The following PTPRD variants were observed in gnomAD, a reference collection of about 807,000 sequenced individuals.
PTPRD encodes the protein protein tyrosine phosphatase receptor type D, also known as receptor-type tyrosine-protein phosphatase delta.
PTPRD carries 34 observed loss-of-function variants against 214.5 expected under a neutral mutation model. That is an observed-to-expected ratio of 0.16 (90% CI 0.12 to 0.21). The LOEUF (loss-of-function observed/expected upper bound fraction) is 0.21. Ranked by LOEUF, PTPRD falls within the 10% of genes least tolerant of loss-of-function variation. The pLI is 1.00. For missense variants in PTPRD, 2,545 were observed against 2,398.7 expected (o/e 1.06, Z -1.27); for synonymous variants, 1,128 against 845.7 (o/e 1.33, Z -5.79).
intron 2 of PTPRD, among the ~76,000 whole-genome samples, chr9:10,549,090 T>G (rs1455218340): frequency 6.6e-6 from 1 of 152,180 alleles, no homozygotes; most frequent in Non-Finnish European, 1.5e-5. Context: ...TTACATCAAC[T>G]TATAGACACT....
chr9:10,057,954 T>C (rs923701513), intron 3 of PTPRD, among the ~76,000 whole-genome samples: 4 of 152,110 alleles, frequency 2.6e-5, no homozygotes, highest in African/African-American at 9.6e-5. Flanking sequence ...AGAATGACTT[T>C]AGTCTGTTTT....
At chr9:9,720,166 A>G (rs1379439663) in intron 7 of PTPRD, among the ~76,000 whole-genome samples, 3 of 152,196 alleles carry the variant, frequency 2.0e-5, no homozygotes, top group Non-Finnish European at 4.4e-5. Flanking sequence ...CTGCATCAAC[A>G]TCTTATAATC....
chr9:9,632,129 G>A (rs1335909647), intron 7 of PTPRD, among the ~76,000 whole-genome samples: 5 of 152,246 alleles, frequency 3.3e-5, no homozygotes, highest in Non-Finnish European at 7.4e-5. Flanking sequence ...ATTCACAATA[G>A]CCACAAAGTG....
intron 8 of PTPRD, among the ~76,000 whole-genome samples, chr9:9,452,941 C>T (rs1187899968): frequency 6.6e-6 from 1 of 151,306 alleles, no homozygotes; most frequent in African/African-American, 2.4e-5. Flanking sequence ...AACATTAAAA[C>T]TCCCTCTTTT....
At chr9:10,076,634 A>T (rs1040595853) in intron 3 of PTPRD, among the ~76,000 whole-genome samples, 4 of 152,060 alleles carry the variant, frequency 2.6e-5, no homozygotes, top group African/African-American at 9.7e-5. Flanking sequence ...GTCATATATG[A>T]GCCTTGCCTA....
In PTPRD at chr9:10,565,196, T is replaced by A. The variant is rs2065224374; in HGVS notation, c.-600+47202A>T. ...CACGTATTTCTATTTAAAGACATAT[T>A]TCACCAAAAGACCCTATCATCTGCC... On this transcript the variant is annotated intron_variant, in intron 2 of 45. Coordinates refer to ENST00000381196, the MANE Select transcript of PTPRD (RefSeq NM_002839.4). Among the ~76,000 whole-genome samples the A allele has an allele frequency of 2.0e-5, 3 of 152,186 alleles. No homozygotes were observed. The East Asian group carries it at 5.8e-4, about 29-fold the overall frequency.
rs113591291 is a variant in PTPRD at position 10,448,189 on chromosome 9, G to C, written c.-599-107172C>G. On this transcript the variant is annotated intron_variant, in intron 2 of 45. Coordinates refer to ENST00000381196, the MANE Select transcript of PTPRD (RefSeq NM_002839.4). Reference sequence around the variant, plus strand: ...TTACTACATTACCATAACTAAATAGGGTGGAAAAATTCCTAACTTAAGGTT... The same window carrying C: ...TTACTACATTACCATAACTAAATAGCGTGGAAAAATTCCTAACTTAAGGTT... Among the ~76,000 whole-genome samples, 125 of 152,088 alleles carry C rather than the reference G, an allele frequency of 8.2e-4. 1 individual carries two copies. Among genetic ancestry groups the C allele is most frequent in the African/African-American group, 2.9e-3 (121 of 41,390 alleles).
Position 10,043,787 on chromosome 9 carries a change from C to A in PTPRD, c.-544-9997G>T, listed in dbSNP as rs186789616. Among the ~76,000 whole-genome samples the A allele has an allele frequency of 9.9e-4, 150 of 151,886 alleles. 1 individual carries two copies. The highest frequency in any genetic ancestry group is 3.5e-3 in the African/African-American group (145 of 41,496). The stretch of plus-strand genomic sequence containing the variant: ...ATCCCTTGATTATTTCATGTAGGAT[C>A]TACCTGCACACAGCTGCAAAATTCC... On this transcript the variant is annotated intron_variant, in intron 3 of 45. Transcript: ENST00000381196.
chr9:9,287,031 C>G (rs548344537), intron 9 of PTPRD, among the ~76,000 whole-genome samples: 41 of 148,578 alleles, frequency 2.8e-4, no homozygotes, highest in South Asian at 1.1e-3. Flanking sequence ...TCAAGACAAG[C>G]CTGGCCAACA....
At chr9:8,649,943 G>C (rs77029245) in intron 12 of PTPRD, among the ~76,000 whole-genome samples, 4,955 of 151,920 alleles carry the variant, frequency 0.033, 281 homozygotes, top group African/African-American at 0.11. Context: ...GTTGAGACAG[G>C]GTTTTACTCT....
At chr9:10,015,722 A>G (rs2154112589) in intron 4 of PTPRD, among the ~76,000 whole-genome samples, 1 of 152,268 alleles carries the variant, frequency 6.6e-6, no homozygotes, top group East Asian at 1.9e-4. Flanking sequence ...GAAAGAAGAG[A>G]AAGAGGTGGG....
intron 9 of PTPRD, among the ~76,000 whole-genome samples, chr9:9,223,027 G>A (rs1295271005): frequency 6.6e-6 from 1 of 151,924 alleles, no homozygotes; most frequent in Non-Finnish European, 1.5e-5. Flanking sequence ...TTTTTGGTTT[G>A]TGTGTTTTAA....
chr9:8,419,313 A>G (rs1055696790), intron 35 of PTPRD, among the ~76,000 whole-genome samples: 1 of 152,032 alleles, frequency 6.6e-6, no homozygotes, highest in African/African-American at 2.4e-5. Flanking sequence ...TTTATTCTGA[A>G]AAAGACAATA....
intron 32 of PTPRD, among the ~76,000 whole-genome samples, chr9:8,461,548 T>A (rs2096403122): frequency 6.6e-6 from 1 of 151,798 alleles, no homozygotes; most frequent in African/African-American, 2.4e-5. Context: ...ATCCACTAAC[T>A]GCCCTGCTTC....
chr9:8,566,098 A>ATGTGTGTGTGTGTGTGTGTGTG (rs1491211691), intron 14 of PTPRD, among the ~76,000 whole-genome samples: 2 of 46,154 alleles, frequency 4.3e-5, no homozygotes, highest in Non-Finnish European at 9.3e-5. Context: ...TGAATGCAAA[A>ATGTGTGTGTGTGTGTGTGTGTG]TATGTGTGTG....
At chr9:8,575,032 G>A (rs962582333) in intron 14 of PTPRD, among the ~76,000 whole-genome samples, 4 of 152,138 alleles carry the variant, frequency 2.6e-5, no homozygotes, top group African/African-American at 7.2e-5. Context: ...TCATTAACGC[G>A]TTTGCAAATA....
chr9:8,875,901 G>C (rs976916492), intron 11 of PTPRD, among the ~76,000 whole-genome samples: 9 of 152,034 alleles, frequency 5.9e-5, no homozygotes, highest in Non-Finnish European at 2.9e-5. Flanking sequence ...CAGTTGTTTT[G>C]TGACATGGAA....
chr9:8,834,296 T>C (rs907358102), intron 11 of PTPRD, among the ~76,000 whole-genome samples: 2 of 152,142 alleles, frequency 1.3e-5, no homozygotes, highest in African/African-American at 4.8e-5. Flanking sequence ...TATTAAAAAC[T>C]GGTTTTATTT....
chr9:9,130,351 G>C (rs2099840702), intron 10 of PTPRD, among the ~76,000 whole-genome samples: 1 of 152,070 alleles, frequency 6.6e-6, no homozygotes, highest in South Asian at 2.1e-4. Context: ...AAATTAAAGA[G>C]TTTCTCCAGT....
Sources: allele counts gnomAD v4.1 joint callset (sites outside exome capture counted in the v4.1 genomes callset), GRCh38; gene constraint gnomAD v4.1.1; transcripts MANE v1.5; gene names NCBI Gene and HGNC (gene_info 2026-07-23, HGNC 2026-07-21).